CARMIL1: variants seen among roughly 807,000 people sequenced by gnomAD.
CARMIL1 encodes F-actin-uncapping protein LRRC16A.
In CARMIL1, 90 loss-of-function variants were observed where a neutral mutation model predicts 177.1. The observed-to-expected ratio is 0.51, with a 90% CI of 0.43 to 0.61. The LOEUF is 0.61. Among genes scored for constraint, CARMIL1 ranks in the 20% least tolerant of loss-of-function variants. The probability of loss-of-function intolerance (pLI) is 0.00; values close to 1 mark genes in which losing one functional copy is unlikely to be tolerated. For missense variants in CARMIL1, 1,380 were observed against 1,667.0 expected, an observed-to-expected ratio of 0.83 and a Z score of 3.00; for synonymous variants, 577 against 606.2, an observed-to-expected ratio of 0.95 and a Z score of 0.71.
Position 25,489,727 on chromosome 6 carries a change from AT to A in CARMIL1, c.1065+1151del, listed in dbSNP as rs962153741. On this transcript the variant is annotated intron_variant, in intron 13 of 36. Transcript: ENST00000329474. ...GAAGTACAAATGAAGGCCTTTTTGT[AT>A]TTTTTTTTCCTTTTCCTCTCCCTTG... Among the ~76,000 whole-genome samples the A allele has an allele frequency of 5.7e-4, 86 of 151,102 alleles. 1 individual carries two copies. Among genetic ancestry groups the A allele is most frequent in the Non-Finnish European group, 1.2e-4 (8 of 67,682 alleles).
chr6:25,355,611 C>T (rs974673006), intron 2 of CARMIL1, among the ~76,000 whole-genome samples: 2 of 152,196 alleles, frequency 1.3e-5, no homozygotes, highest in Non-Finnish European at 2.9e-5. Flanking sequence ...CAATTTAAGG[C>T]TGCAGTGAGT....
intron 2 of CARMIL1, among the ~76,000 whole-genome samples, chr6:25,312,293 G>A (rs1783889493): frequency 6.6e-6 from 1 of 152,256 alleles, no homozygotes; most frequent in South Asian, 2.1e-4. Flanking sequence ...TTGAAATTTT[G>A]TTTGACTGCT....
Position 25,500,182 on chromosome 6 carries a change from C to T in CARMIL1, c.1342C>T (p.Leu448=). 1 of 1,613,900 alleles carries T rather than the reference C, an allele frequency of 6.2e-7. No homozygotes were observed. Among genetic ancestry groups the T allele is most frequent in the Non-Finnish European group, 8.5e-7 (1 of 1,179,860 alleles). ...TCCCCTCAGAGCACTGTTATTGGGC[C>T]TGGCTTGTAATCATAACTTGAAAGG... The part of the protein sequence containing the change: ...PEPLKALLLG[L]ACNHNLKGVS... Residue 448 remains leucine, a synonymous_variant, in exon 17 of 37, where the codon CTG becomes TTG. Coordinates refer to ENST00000329474, the MANE Select transcript of CARMIL1 (RefSeq NM_017640.6).
At chr6:25,574,309 C>A (rs1368892892) in intron 29 of CARMIL1, among the ~76,000 whole-genome samples, 1 of 152,212 alleles carries the variant, frequency 6.6e-6, no homozygotes, top group Non-Finnish European at 1.5e-5. Flanking sequence ...ATGCCAAATA[C>A]CTGTGTTCCT....
In CARMIL1 at chr6:25,554,150, G is replaced by A; in HGVS notation, c.2592+54G>A. On this transcript the variant is annotated intron_variant, in intron 28 of 36. Coordinates refer to ENST00000329474, the MANE Select transcript of CARMIL1 (RefSeq NM_017640.6). This position sits in a 1 kb window ranked among gnomAD's most constrained non-coding sequence, Gnocchi z 4.6. ...CCTCCTGTTTCAGCTCTGCTGTGATGCAGGATGACTTCCGGTGTGGGGATG... is the reference window on the plus strand; with the variant it reads ...CCTCCTGTTTCAGCTCTGCTGTGATACAGGATGACTTCCGGTGTGGGGATG... The A allele has an allele frequency of 8.2e-7, 1 of 1,216,212 alleles. No individual in the cohort carries two copies. 75.3% of individuals were successfully genotyped at this position (1,216,212 alleles called of 1,614,324 possible). A position where few individuals can be genotyped will look rare whatever the true frequency, so the allele number is the denominator to read the frequency against.
intron 28 of CARMIL1, among the ~76,000 whole-genome samples, 168 bp from the exon 29 acceptor site, chr6:25,556,533 A>T (rs1231179032): frequency 6.6e-6 from 1 of 152,206 alleles, no homozygotes; most frequent in Non-Finnish European, 1.5e-5. Context: ...AAAGAAAGAT[A>T]ATAAAAGGAG....
intron 31 of CARMIL1, among the ~76,000 whole-genome samples, chr6:25,588,916 G>A (rs530281237): frequency 1.3e-5 from 2 of 152,198 alleles, no homozygotes; most frequent in Non-Finnish European, 2.9e-5. Flanking sequence ...TGTGTGATAG[G>A]TCAGTATCAG....
intron 2 of CARMIL1, among the ~76,000 whole-genome samples, chr6:25,312,698 T>A (rs1783927617): frequency 6.6e-6 from 1 of 151,814 alleles, no homozygotes. Context: ...TCAGTATTAC[T>A]AATGGGGTAG....
intron 24 of CARMIL1, among the ~76,000 whole-genome samples, chr6:25,535,172 T>C (rs908793291): frequency 6.6e-6 from 1 of 152,238 alleles, no homozygotes; most frequent in East Asian, 1.9e-4. Context: ...TGCTTTCCAG[T>C]CCACTCTTAG....
At chr6:25,488,745 TC>T (rs1233362463) in intron 13 of CARMIL1, among the ~76,000 whole-genome samples, 160 bp downstream of exon 13, 1 of 152,222 alleles carries the variant, frequency 6.6e-6, no homozygotes, top group East Asian at 1.9e-4. Flanking sequence ...TACTGAAAAT[TC>T]CAGAGCATTC....
At chr6:25,433,219 A>G (rs532942940) in intron 4 of CARMIL1, 1 of 152,138 alleles carries the variant, frequency 6.6e-6, no homozygotes, top group African/African-American at 2.4e-5. Flanking sequence ...CTGTCATTCT[A>G]TTCAATCCTG....
intron 29 of CARMIL1, chr6:25,563,917 C>A: frequency 1.0e-6 from 1 of 969,052 alleles, no homozygotes. Flanking sequence ...TGGTAACAAC[C>A]CACTAGTGAG....
rs1340927984 is a variant in CARMIL1, at chr6:25,421,905, A to G, written c.189+1741A>G. Among the ~76,000 whole-genome samples the G allele has an allele frequency of 4.0e-5, 6 of 149,404 alleles. No individual in the cohort carries two copies. In the East Asian group the frequency reaches 9.9e-4, roughly 25 times the overall value. On this transcript the variant is annotated intron_variant, in intron 3 of 36. Transcript: ENST00000329474. ...GGAGGGGGGGAGGGATAGCATTAGG[A>G]GATATACCTAATGTAAATGACGAGT...
intron 2 of CARMIL1, among the ~76,000 whole-genome samples, chr6:25,296,924 T>A (rs2103619): frequency 0.079 from 5,061 of 64,460 alleles, 99 homozygotes; most frequent in Non-Finnish European, 0.099. Context: ...TATCTATCTA[T>A]CTATCTATCT....
intron 33 of CARMIL1, among the ~76,000 whole-genome samples, chr6:25,602,127 A>C (rs368113566): frequency 1.4e-4 from 21 of 152,328 alleles, no homozygotes; most frequent in East Asian, 9.6e-4. Flanking sequence ...TCTTACAACT[A>C]TTTACCAAAG....
At chr6:25,424,845 T>C (rs1796149916) in intron 3 of CARMIL1, among the ~76,000 whole-genome samples, 1 of 152,134 alleles carries the variant, frequency 6.6e-6, no homozygotes, top group African/African-American at 2.4e-5. Flanking sequence ...TTAAAGAGAC[T>C]TAAATTGGAA....
At chr6:25,606,004 C>A (rs1210254968) in intron 34 of CARMIL1, 57 bp from the exon 35 acceptor site, 1 of 1,274,790 alleles carries the variant, frequency 7.8e-7, no homozygotes, top group South Asian at 1.4e-5. Flanking sequence ...AGACTTCTAG[C>A]TTCAAGTTAT....
chr6:25,452,349 G>A (rs1248033049), intron 8 of CARMIL1: 13 of 653,736 alleles, frequency 2.0e-5, no homozygotes, highest in Non-Finnish European at 1.9e-5. Flanking sequence ...GAAAGAAAAA[G>A]GGAAAATATT....
chr6:25,442,383 G>GT (rs1251377147), intron 5 of CARMIL1, among the ~76,000 whole-genome samples: 6 of 151,514 alleles, frequency 4.0e-5, no homozygotes, highest in African/African-American at 1.5e-4. Context: ...CTTATGTTTT[G>GT]TTTTAGGATT....
Sources: allele counts gnomAD v4.1 joint callset (sites outside exome capture counted in the v4.1 genomes callset), GRCh38; gene constraint gnomAD v4.1.1; non-coding constraint Gnocchi (gnomAD v3.1); transcripts MANE v1.5; gene names NCBI Gene and HGNC (gene_info 2026-07-23, HGNC 2026-07-21).